The following PUM3 variants were observed in gnomAD, a reference collection of about 807,000 sequenced individuals.
The protein encoded by PUM3 is pumilio RNA binding family member 3.
PUM3 carries 91 observed loss-of-function variants against 84.0 expected under a neutral mutation model. That is an observed-to-expected ratio of 1.08 (90% confidence interval 0.91 to 1.29). The LOEUF (loss-of-function observed/expected upper bound fraction) is 1.29. Among genes scored for constraint, PUM3 ranks in the 50% most tolerant of loss-of-function variants. The pLI is 0.00. For missense variants in PUM3, 1,067 were observed against 767.5 expected, an observed-to-expected ratio of 1.39 and a Z score of -4.61; for synonymous variants, 321 against 266.7, an observed-to-expected ratio of 1.20 and a Z score of -1.98.
At chr9:2,823,197 C>T (rs1815712194) in intron 12 of PUM3, among the ~76,000 whole-genome samples, 1 of 151,932 alleles carries the variant, frequency 6.6e-6, no homozygotes, top group African/African-American at 2.4e-5. Flanking sequence ...CATATAAACA[C>T]TATTTTTGAA....
chr9:2,830,923 G>C, intron 7 of PUM3, 39 bp downstream of exon 7: 2 of 1,060,920 alleles, frequency 1.9e-6, no homozygotes, highest in Non-Finnish European at 2.9e-6. Flanking sequence ...GTCTTCAAAA[G>C]ACAAAGAAAA....
chr9:2,837,983 A>G (rs1301315287), intron 2 of PUM3, among the ~76,000 whole-genome samples: 2 of 152,216 alleles, frequency 1.3e-5, no homozygotes, highest in African/African-American at 4.8e-5. Flanking sequence ...AGTAATGGCT[A>G]ACATTAAGGA....
intron 12 of PUM3, among the ~76,000 whole-genome samples, chr9:2,822,008 A>T (rs983788919): frequency 6.6e-6 from 1 of 152,218 alleles, no homozygotes; most frequent in African/African-American, 2.4e-5. Flanking sequence ...GACAAAATAT[A>T]GAACAACGTG....
At chr9:2,826,099 GTTT>G (rs57188726) in intron 10 of PUM3, among the ~76,000 whole-genome samples, 5 of 143,336 alleles carry the variant, frequency 3.5e-5, no homozygotes, top group Admixed American at 2.8e-4. Flanking sequence ...TTCCCCGAAG[GTTT>G]TTTTTTTTTT....
At chr9:2,832,791 G>A (rs1242960361) in intron 5 of PUM3, among the ~76,000 whole-genome samples, 5 of 152,124 alleles carry the variant, frequency 3.3e-5, no homozygotes, top group South Asian at 4.1e-4. Context: ...TCCAGGTGCC[G>A]TAAAACTATG....
chr9:2,819,984 G>A (rs1821554034), intron 13 of PUM3, 34 bp downstream of exon 13: 2 of 1,400,810 alleles, frequency 1.4e-6, no homozygotes, highest in Non-Finnish European at 2.0e-6. Context: ...GTTTATCGAT[G>A]TAACTTAAAT....
chr9:2,828,298 C>A (rs1432833514), intron 9 of PUM3, among the ~76,000 whole-genome samples: 4 of 152,172 alleles, frequency 2.6e-5, no homozygotes. Flanking sequence ...AGCTTGGTTC[C>A]CCAAAGTGCT....
At chr9:2,821,624 G>C (rs1016514459) in intron 12 of PUM3, among the ~76,000 whole-genome samples, 3 of 152,048 alleles carry the variant, frequency 2.0e-5, no homozygotes, top group Non-Finnish European at 4.4e-5. Context: ...ATTTATCAAA[G>C]GTTTAGGGAA....
chr9:2,837,118 T>G, intron 3 of PUM3, 62 bp downstream of exon 3: 1 of 1,418,738 alleles, frequency 7.0e-7, no homozygotes, highest in Non-Finnish European at 9.9e-7. Flanking sequence ...CTAACGCACC[T>G]CCAGAGTCCC....
intron 1 of PUM3, among the ~76,000 whole-genome samples, chr9:2,842,901 T>A (rs144071070): frequency 1.3e-5 from 2 of 152,296 alleles, no homozygotes; most frequent in East Asian, 3.9e-4. Flanking sequence ...TGGCACATCA[T>A]CTACTTTACT....
intron 2 of PUM3, among the ~76,000 whole-genome samples, 186 bp downstream of exon 2, chr9:2,838,240 T>A (rs918068656): frequency 1.3e-5 from 2 of 152,184 alleles, no homozygotes; most frequent in Non-Finnish European, 2.9e-5. Flanking sequence ...CATTCCTCAA[T>A]CATTCTTGCA....
rs114710813 is a variant in PUM3 at position 2,844,059 on chromosome 9, C to T, written c.-25G>A. On this transcript the variant is annotated 5_prime_UTR_variant, in exon 1 of 18. Coordinates refer to ENST00000397885, the MANE Select transcript of PUM3 (RefSeq NM_014878.5). ...GCCACACTCACCGCACACGTGGGACCGAGACAGCTCGCGCAGCGGATCCCG... is the reference window on the plus strand; with the variant it reads ...GCCACACTCACCGCACACGTGGGACTGAGACAGCTCGCGCAGCGGATCCCG... 3.4e-3 allele frequency: 536 copies of T among 157,910 alleles called. 3 individuals carry two copies. Among genetic ancestry groups the T allele is most frequent in the African/African-American group, 0.01 (434 of 41,562 alleles). 9.8% of individuals were successfully genotyped at this position (157,910 alleles called of 1,614,324 possible).
At chr9:2,805,517 A>C (rs1013853045) in intron 17 of PUM3, among the ~76,000 whole-genome samples, 1 of 152,200 alleles carries the variant, frequency 6.6e-6, no homozygotes, top group Non-Finnish European at 1.5e-5. Context: ...AGGAGGATAA[A>C]TTATCAGCAC....
chr9:2,835,912 A>G (rs1337842360), intron 3 of PUM3, among the ~76,000 whole-genome samples: 1 of 152,206 alleles, frequency 6.6e-6, no homozygotes, highest in African/African-American at 2.4e-5. Context: ...AAATTAATGT[A>G]TATGTGTTTA....
chr9:2,808,637 G>C (rs1821308233), intron 16 of PUM3, among the ~76,000 whole-genome samples: 1 of 152,144 alleles, frequency 6.6e-6, no homozygotes, highest in Non-Finnish European at 1.5e-5. Context: ...TGAATGTAAG[G>C]ACTCTTTAAA....
In PUM3 at chr9:2,804,281, A is replaced by G; in HGVS notation, c.*50T>C. ...CCCCTTCTTTTCTGCATTGGGAAAC[A>G]GAACAGAGAACAGAAAAAATCATTC... On this transcript the variant is annotated 3_prime_UTR_variant, in exon 18 of 18. Transcript: ENST00000397885. 6.3e-7 allele frequency: 1 copy of G among 1,582,394 alleles called. No homozygotes were observed. Among genetic ancestry groups the G allele is most frequent in the South Asian group, 1.2e-5 (1 of 85,540 alleles).
chr9:2,811,307 C>T (rs1456539151), intron 15 of PUM3, 54 bp downstream of exon 15: 23 of 1,549,010 alleles, frequency 1.5e-5, no homozygotes, highest in African/African-American at 2.7e-5. Flanking sequence ...CGTCCAAAAA[C>T]GAAGTTTTTG....
At chr9:2,822,930 C>T (rs1403059509) in intron 12 of PUM3, among the ~76,000 whole-genome samples, 3 of 151,630 alleles carry the variant, frequency 2.0e-5, no homozygotes, top group Non-Finnish European at 4.4e-5. Context: ...CACAATCACA[C>T]AGCATTAATT....
chr9:2,807,558 G>T (rs564947371), intron 17 of PUM3, among the ~76,000 whole-genome samples: 3 of 124,738 alleles, frequency 2.4e-5, no homozygotes, highest in Non-Finnish European at 4.7e-5. Context: ...AGCTGAGATC[G>T]TGACACTGCA....
Sources: gnomAD v4.1 joint callset for allele counts (sites outside exome capture counted in the v4.1 genomes callset) on GRCh38, gnomAD v4.1.1 for gene constraint, MANE v1.5 for transcripts, NCBI Gene and HGNC (gene_info 2026-07-23, HGNC 2026-07-21) for gene names.